BRD4: variants seen among roughly 807,000 people sequenced by gnomAD.
The protein encoded by BRD4 is bromodomain containing 4, also known as bromodomain-containing protein 4.
In BRD4, 16 loss-of-function variants were observed where a neutral mutation model predicts 142.1. The ratio of observed to expected loss-of-function variants is 0.11; its 90% CI spans 0.08 to 0.17. BRD4 has a LOEUF of 0.17. Among genes scored for constraint, BRD4 ranks in the 10% least tolerant of loss-of-function variants. The pLI, the probability that BRD4 is intolerant of heterozygous loss-of-function variation, is 1.00. For missense variants in BRD4, 1,424 were observed against 1,810.9 expected (o/e 0.79, Z 3.88); for synonymous variants, 833 against 707.5 (o/e 1.18, Z -2.82).
At chr19:15,276,344 A>T (rs1465659479) in intron 1 of BRD4, among the ~76,000 whole-genome samples, 1 of 152,164 alleles carries the variant, frequency 6.6e-6, no homozygotes, top group Non-Finnish European at 1.5e-5. Flanking sequence ...TCCTTGGGCG[A>T]ATTCTTCCCA....
intron 1 of BRD4, among the ~76,000 whole-genome samples, chr19:15,315,152 GTTT>G (rs766690592): frequency 2.0e-5 from 3 of 148,702 alleles, no homozygotes; most frequent in African/African-American, 7.4e-5. Context: ...GACTGGCTTT[GTTT>G]TTTTTTTCCC....
At chr19:15,327,277 G>T (rs554570596) in intron 1 of BRD4, among the ~76,000 whole-genome samples, 2 of 152,126 alleles carry the variant, frequency 1.3e-5, no homozygotes, top group Non-Finnish European at 2.9e-5. Context: ...GGTGGCTCAC[G>T]CCTGTAATCC....
rs1001067080 is a variant in BRD4 at position 15,331,416 on chromosome 19, C to T, written c.-35+874G>A. 8.5e-5 allele frequency among the ~76,000 whole-genome samples: 13 copies of T among 152,310 alleles called. No homozygotes were observed. In the East Asian group the frequency reaches 1.2e-3, roughly 14 times the overall value. On this transcript the variant is annotated intron_variant, in intron 1 of 19. Coordinates refer to ENST00000679869, the MANE Select transcript of BRD4 (RefSeq NM_001379291.1). The stretch of plus-strand genomic sequence containing the variant: ...CATCCCCACCCCAAATCACCACAAT[C>T]ACCACCACCACACAACACTGCAAAT...
intron 1 of BRD4, among the ~76,000 whole-genome samples, chr19:15,292,516 C>T (rs1477885193): frequency 1.3e-5 from 2 of 152,098 alleles, no homozygotes; most frequent in Non-Finnish European, 2.9e-5. Context: ...CAGTGGCTCA[C>T]GCCTGTAATC....
At chr19:15,247,475 G>A (rs1049974970) in intron 11 of BRD4, 13 of 233,008 alleles carry the variant, frequency 5.6e-5, no homozygotes, top group South Asian at 1.8e-4. Flanking sequence ...AGCCCCACGG[G>A]CAAGAAGGAC....
intron 1 of BRD4, among the ~76,000 whole-genome samples, chr19:15,297,132 T>A (rs878939901): frequency 1.6e-4 from 24 of 152,276 alleles, no homozygotes; most frequent in Admixed American, 1.2e-3. Flanking sequence ...GTTTAAAAGT[T>A]CCTTCCCCTT....
intron 1 of BRD4, among the ~76,000 whole-genome samples, chr19:15,273,445 A>G (rs2047612226): frequency 6.6e-6 from 1 of 152,256 alleles, no homozygotes. Flanking sequence ...CAATGAAGCC[A>G]CGTCTCACAA....
intron 7 of BRD4, among the ~76,000 whole-genome samples, chr19:15,257,977 C>A (rs901304600): frequency 7.9e-5 from 12 of 152,210 alleles, no homozygotes; most frequent in African/African-American, 2.4e-4. Context: ...TCTGGCCACA[C>A]ATACTGCCAG....
intron 1 of BRD4, among the ~76,000 whole-genome samples, chr19:15,307,376 T>C (rs2047923407): frequency 6.6e-6 from 1 of 152,120 alleles, no homozygotes; most frequent in Non-Finnish European, 1.5e-5. Context: ...GGAAACAGGA[T>C]CAAAGATTAA....
chr19:15,311,745 T>C (rs1376290928), intron 1 of BRD4, among the ~76,000 whole-genome samples: 2 of 152,062 alleles, frequency 1.3e-5, no homozygotes, highest in Non-Finnish European at 2.9e-5. Flanking sequence ...GACATTGCAG[T>C]AAGCCAACAT....
At chr19:15,286,515 C>T (rs1185771966) in intron 1 of BRD4, among the ~76,000 whole-genome samples, 1 of 152,186 alleles carries the variant, frequency 6.6e-6, no homozygotes, top group African/African-American at 2.4e-5. Flanking sequence ...TTTAAAATTT[C>T]TAGGAGCCAC....
intron 1 of BRD4, among the ~76,000 whole-genome samples, chr19:15,303,617 A>T (rs1336144599): frequency 6.6e-6 from 1 of 152,236 alleles, no homozygotes; most frequent in Non-Finnish European, 1.5e-5. Flanking sequence ...AAAGCCACGA[A>T]GAAGGAAAAA....
chr19:15,267,784 T>G (rs974368298), intron 3 of BRD4, among the ~76,000 whole-genome samples: 2 of 152,250 alleles, frequency 1.3e-5, no homozygotes, highest in African/African-American at 4.8e-5. Context: ...CTCCCTCATC[T>G]TTTAAGCTCT....
intron 1 of BRD4, among the ~76,000 whole-genome samples, chr19:15,307,013 G>C: frequency 6.6e-6 from 1 of 152,212 alleles, no homozygotes; most frequent in Middle Eastern, 3.4e-3. Flanking sequence ...TATCTGCAAA[G>C]CACAATAAAA....
chr19:15,256,931 G>T, intron 8 of BRD4, 33 bp downstream of exon 8: 1 of 1,525,646 alleles, frequency 6.6e-7, no homozygotes, highest in East Asian at 2.4e-5. Context: ...CACGGACTCT[G>T]GGGATTAAGA....
chr19:15,276,128 C>T (rs546598448), intron 1 of BRD4, among the ~76,000 whole-genome samples: 4 of 152,262 alleles, frequency 2.6e-5, no homozygotes, highest in Non-Finnish European at 5.9e-5. Context: ...CACTGACCTA[C>T]TGCTATGCCC....
rs759875849 is a variant in BRD4 at position 15,264,500 on chromosome 19, G to A, written c.1116C>T (p.Tyr372=). 11 of 1,613,866 alleles carry A rather than the reference G, an allele frequency of 6.8e-6. No homozygotes were observed. Among genetic ancestry groups the A allele is most frequent in the East Asian group, 4.5e-5 (2 of 44,868 alleles). The change falls in exon 6 of 20, where the codon TAC becomes TAT. Residue 372 remains tyrosine (Y), a synonymous_variant. Transcript: ENST00000679869. The part of the protein sequence containing the change: ...KEMFAKKHAA[Y]AWPFYKPVDV... ...CCACAGGCTTGTAGAAGGGCCAGGC[G>A]TAGGCGGCGTGCTTCTTGGCAAACA...
At chr19:15,274,869 C>CA (rs2047629000) in intron 1 of BRD4, among the ~76,000 whole-genome samples, 1 of 142,970 alleles carries the variant, frequency 7.0e-6, no homozygotes, top group Non-Finnish European at 1.5e-5. Context: ...CTGAATTTTC[C>CA]TTTTTTTTTT....
At chr19:15,244,143 A>T (rs2047263281) in intron 13 of BRD4, 88 bp downstream of exon 13, 1 of 1,532,966 alleles carries the variant, frequency 6.5e-7, no homozygotes. Flanking sequence ...GAGGCTAAGA[A>T]GCTGCCCAGC....
Sources: gnomAD v4.1 joint callset for allele counts (sites outside exome capture counted in the v4.1 genomes callset) on GRCh38, gnomAD v4.1.1 for gene constraint, MANE v1.5 for transcripts, NCBI Gene and HGNC (gene_info 2026-07-23, HGNC 2026-07-21) for gene names.